Variants in ICA1 observed in about 807,000 individuals in gnomAD.
The protein encoded by ICA1 is 69 kDa islet cell autoantigen.
In ICA1, 40 loss-of-function variants were observed where a neutral mutation model predicts 71.0. The ratio of observed to expected loss-of-function variants is 0.56; its 90% CI spans 0.44 to 0.73. The LOEUF (loss-of-function observed/expected upper bound fraction) is 0.73, where lower values mean the gene tolerates loss of function less well. Ranked by LOEUF, ICA1 falls within the 30% of genes least tolerant of loss-of-function variation. The pLI is 0.00. For missense variants in ICA1, 578 were observed against 576.5 expected (o/e 1.00, Z -0.03); for synonymous variants, 207 against 209.5 (o/e 0.99, Z 0.10).
At chr7:8,205,498 T>C (rs536865543) in intron 6 of ICA1, among the ~76,000 whole-genome samples, 6 of 152,254 alleles carry the variant, frequency 3.9e-5, no homozygotes, top group Admixed American at 2.0e-4. Flanking sequence ...CACAAAAAGA[T>C]GTGTGGTTTA....
chr7:8,198,207 G>A (rs1788355481), intron 6 of ICA1, among the ~76,000 whole-genome samples: 1 of 152,154 alleles, frequency 6.6e-6, no homozygotes, highest in South Asian at 2.1e-4. Context: ...GCTACTTCAT[G>A]CTCCTTCTCT....
chr7:8,135,421 A>AAAT (rs1417866682), intron 12 of ICA1, among the ~76,000 whole-genome samples: 1 of 152,226 alleles, frequency 6.6e-6, no homozygotes, highest in African/African-American at 2.4e-5. Context: ...TTAAAAAAAA[A>AAAT]AATGTACCAA....
chr7:8,233,733 C>T (rs1800978204), intron 2 of ICA1, among the ~76,000 whole-genome samples: 1 of 152,022 alleles, frequency 6.6e-6, no homozygotes, highest in South Asian at 2.1e-4. Context: ...TATTGTGCAC[C>T]TAAAATTTAA....
chr7:8,185,425 C>T (rs1190057988), intron 6 of ICA1, among the ~76,000 whole-genome samples: 1 of 152,188 alleles, frequency 6.6e-6, no homozygotes, highest in African/African-American at 2.4e-5. Context: ...TATTCATCAA[C>T]GAATGATTAT....
rs373015688 is a variant in ICA1, at chr7:8,226,738, C to G, written c.256+1863G>C. ...GGGTAGACATAAAAGGGCTTATCTACCATCCACAGCCAGCTCTGCTGGCAC... is the reference window on the plus strand; with the variant it reads ...GGGTAGACATAAAAGGGCTTATCTAGCATCCACAGCCAGCTCTGCTGGCAC... On this transcript the variant is annotated intron_variant, in intron 4 of 13. Transcript: ENST00000402384. The surrounding 1 kb of genome is among the most constrained non-coding windows in gnomAD (Gnocchi z 4.4). 1.7e-3 allele frequency among the ~76,000 whole-genome samples: 262 copies of G among 152,316 alleles called. 2 individuals carry two copies. The highest frequency in any genetic ancestry group is 6.0e-3 in the African/African-American group (251 of 41,566).
intron 6 of ICA1, 90 bp from the exon 7 acceptor site, chr7:8,158,742 T>C: frequency 7.8e-7 from 1 of 1,286,636 alleles, no homozygotes; most frequent in Non-Finnish European, 1.1e-6. Context: ...AGGCCTTTTC[T>C]CTTTCACATA....
intron 13 of ICA1, among the ~76,000 whole-genome samples, chr7:8,127,318 A>G (rs1252836075): frequency 6.6e-6 from 1 of 151,954 alleles, no homozygotes; most frequent in Non-Finnish European, 1.5e-5. Context: ...ATCAGTGTGG[A>G]AACTCTATTT....
intron 6 of ICA1, among the ~76,000 whole-genome samples, chr7:8,217,627 G>A (rs948426262): frequency 2.0e-5 from 3 of 152,080 alleles, no homozygotes; most frequent in South Asian, 2.1e-4. Context: ...CAAAAATCTC[G>A]CTGCATTTTC....
intron 6 of ICA1, among the ~76,000 whole-genome samples, chr7:8,177,457 T>C (rs1780970607): frequency 6.6e-6 from 1 of 151,854 alleles, no homozygotes; most frequent in Admixed American, 6.5e-5. Flanking sequence ...CAGGGCACCC[T>C]TTTATCAATT....
intron 1 of ICA1, among the ~76,000 whole-genome samples, chr7:8,250,837 C>T (rs1490505271): frequency 1.3e-5 from 2 of 152,292 alleles, no homozygotes; most frequent in Admixed American, 1.3e-4. Flanking sequence ...ACTACAGATG[C>T]AAGCCACTGT....
At chr7:8,138,423 C>T (rs145072293) in intron 12 of ICA1, among the ~76,000 whole-genome samples, 95 of 152,296 alleles carry the variant, frequency 6.2e-4, no homozygotes, top group African/African-American at 2.3e-3. Context: ...CTGACAATAA[C>T]CCACCAAGGC....
intron 12 of ICA1, 52 bp downstream of exon 12, chr7:8,138,788 T>TA: frequency 1.5e-6 from 2 of 1,357,448 alleles, no homozygotes; most frequent in South Asian, 2.5e-5. Flanking sequence ...TGTAAAAGAG[T>TA]AATTTAAAAA....
chr7:8,237,785 A>G (rs972803790), intron 1 of ICA1, among the ~76,000 whole-genome samples: 2 of 151,586 alleles, frequency 1.3e-5, no homozygotes, highest in African/African-American at 4.9e-5. Context: ...TTAAGGCTGA[A>G]TGATATTGCA....
chr7:8,202,356 AAGG>A (rs1405632183), intron 6 of ICA1, among the ~76,000 whole-genome samples: 2 of 152,200 alleles, frequency 1.3e-5, no homozygotes, highest in African/African-American at 4.8e-5. Flanking sequence ...CATCTGTGAA[AAGG>A]AGATCATAGT....
chr7:8,166,105 C>T (rs979965994), intron 6 of ICA1, among the ~76,000 whole-genome samples: 2 of 152,190 alleles, frequency 1.3e-5, no homozygotes, highest in Non-Finnish European at 2.9e-5. Flanking sequence ...TATCACATGA[C>T]CTGACTTCAA....
intron 8 of ICA1, chr7:8,156,657 A>G: frequency 1.7e-6 from 1 of 588,038 alleles, no homozygotes; most frequent in East Asian, 3.3e-5. Flanking sequence ...ATACTCTCAG[A>G]ATAAAATGAT....
chr7:8,150,062 AAAAT>A (rs1176339041), intron 8 of ICA1, among the ~76,000 whole-genome samples: 5 of 152,260 alleles, frequency 3.3e-5, no homozygotes, highest in Non-Finnish European at 7.3e-5. Flanking sequence ...AAATTAGAGA[AAAAT>A]AATCACAATC....
At chr7:8,175,960 G>C (rs1010911459) in intron 6 of ICA1, among the ~76,000 whole-genome samples, 1 of 152,264 alleles carries the variant, frequency 6.6e-6, no homozygotes, top group African/African-American at 2.4e-5. Context: ...TTCCATGGAC[G>C]GCAAAGGGGA....
intron 1 of ICA1, among the ~76,000 whole-genome samples, chr7:8,241,554 C>G (rs1324774408): frequency 1.4e-5 from 2 of 145,938 alleles, no homozygotes; most frequent in African/African-American, 2.7e-5. Flanking sequence ...AGATTAAATT[C>G]ACACATAACA....
Sources: allele counts gnomAD v4.1 joint callset (sites outside exome capture counted in the v4.1 genomes callset), GRCh38; gene constraint gnomAD v4.1.1; non-coding constraint Gnocchi (gnomAD v3.1); transcripts MANE v1.5; gene names NCBI Gene and HGNC (gene_info 2026-07-23, HGNC 2026-07-21).